ITGB2: variants seen among roughly 807,000 people sequenced by gnomAD.
ITGB2 encodes the protein integrin subunit beta 2, also known as integrin beta-2.
ITGB2 carries 56 observed loss-of-function variants against 86.8 expected under a neutral mutation model. That is an observed-to-expected ratio of 0.65 (90% confidence interval 0.52 to 0.81). ITGB2 has a LOEUF of 0.81. Among genes scored for constraint, ITGB2 ranks in the 30% least tolerant of loss-of-function variants. The probability of loss-of-function intolerance (pLI) is 0.00; values close to 1 mark genes in which losing one functional copy is unlikely to be tolerated. For synonymous variants in ITGB2, 457 were observed against 450.4 expected, an observed-to-expected ratio of 1.01 and a Z score of -0.19; for missense variants, 948 against 1,061.2, an observed-to-expected ratio of 0.89 and a Z score of 1.48.
chr21:44,897,371 C>T (rs923955670), intron 8 of ITGB2, among the ~76,000 whole-genome samples: 1 of 152,204 alleles, frequency 6.6e-6, no homozygotes. Context: ...TGTGAGGCTG[C>T]CCAGCTGGGC....
At chr21:44,889,111 A>G (rs2146497157) in intron 13 of ITGB2, 165 bp downstream of exon 13, 1 of 707,692 alleles carries the variant, frequency 1.4e-6, no homozygotes, top group Non-Finnish European at 2.4e-6. Context: ...GGGAGGAGGG[A>G]CACAGGGGCA....
rs146745379 is a variant in ITGB2, at chr21:44,901,576, G to T, written c.657C>A (p.Thr219=). 1 of 1,614,260 alleles carries T rather than the reference G, an allele frequency of 6.2e-7. No homozygotes were observed. Residue 219 remains threonine, a synonymous_variant, in exon 6 of 16, where the codon ACC becomes ACA. Transcript: ENST00000652462. The part of the protein sequence containing the change: ...KLTNNSNQFQ[T]EVGKQLISGN... Reference sequence around the variant, plus strand: ...CGGAAATCAGCTGCTTCCCGACCTCGGTCTGAAACTGGTTGGAGTTGTTGG... The same window carrying T: ...CGGAAATCAGCTGCTTCCCGACCTCTGTCTGAAACTGGTTGGAGTTGTTGG...
intron 5 of ITGB2, 160 bp from the exon 6 acceptor site, chr21:44,901,893 G>T: frequency 1.3e-6 from 1 of 780,268 alleles, no homozygotes; most frequent in Non-Finnish European, 2.0e-6. Context: ...CATGTGCGTT[G>T]TGCAAGCACA....
intron 5 of ITGB2, among the ~76,000 whole-genome samples, chr21:44,902,181 T>C (rs1049698389): frequency 7.2e-5 from 11 of 152,206 alleles, no homozygotes; most frequent in African/African-American, 2.7e-4. Context: ...ACCAGGTACA[T>C]ATGTGGGCAT....
At chr21:44,886,498 G>A in intron 15 of ITGB2, 68 bp from the exon 16 acceptor site, 1 of 1,538,000 alleles carries the variant, frequency 6.5e-7, no homozygotes, top group South Asian at 1.1e-5. Flanking sequence ...TTCTCCCTGA[G>A]GACACTCCCC....
intron 1 of ITGB2, among the ~76,000 whole-genome samples, chr21:44,927,447 C>T (rs4818987): frequency 0.46 from 69,779 of 151,664 alleles, 16,222 homozygotes; most frequent in Middle Eastern, 0.57. Context: ...GGAGAGCACC[C>T]CCACGAGGAC....
rs1328292969 is a variant in ITGB2 at position 44,926,057 on chromosome 21, A to C, written c.-4+2597T>G. On this transcript the variant is annotated intron_variant, in intron 1 of 15. Transcript: ENST00000355153. ...GAGGCGGAGCTTGCAGTGAGCCAAGATCGTGCCACTGCACTCCAGCCTGGA... is the reference window on the plus strand; with the variant it reads ...GAGGCGGAGCTTGCAGTGAGCCAAGCTCGTGCCACTGCACTCCAGCCTGGA... Among the ~76,000 whole-genome samples, 6 of 152,248 alleles carry C rather than the reference A, an allele frequency of 3.9e-5. No individual in the cohort carries two copies. In the East Asian group the frequency reaches 1.2e-3, roughly 29 times the overall value.
At chr21:44,925,678 T>G (rs967399275), upstream of ITGB2, among the ~76,000 whole-genome samples, 2 of 152,004 alleles carry the variant, frequency 1.3e-5, no homozygotes, top group African/African-American at 4.8e-5. Context: ...CCAAAAGTAC[T>G]CAAACAGCAA....
chr21:44,899,842 C>G (rs8132181), intron 7 of ITGB2, among the ~76,000 whole-genome samples: 3 of 152,174 alleles, frequency 2.0e-5, no homozygotes, highest in Admixed American at 2.0e-4. Flanking sequence ...TCCCCGCAGC[C>G]GCTCACCCAG....
chr21:44,893,962 A>C (rs2083826784), intron 9 of ITGB2: 1 of 318,822 alleles, frequency 3.1e-6, no homozygotes, highest in Non-Finnish European at 6.3e-6. Context: ...AGAGAGAGGC[A>C]GAGACAGAGA....
intron 8 of ITGB2, among the ~76,000 whole-genome samples, chr21:44,895,494 C>T (rs1223313619): frequency 6.6e-6 from 1 of 152,126 alleles, no homozygotes; most frequent in Admixed American, 6.5e-5. Context: ...CGCACCACTG[C>T]ACTCCAGCCT....
rs141780263 is a variant in ITGB2, at chr21:44,910,381, C to G, written c.59-9G>C. On this transcript the variant is annotated splice_polypyrimidine_tract_variant and intron_variant, in intron 2 of 15. Coordinates refer to ENST00000652462, the MANE Select transcript of ITGB2 (RefSeq NM_000211.5). ...GCACTCCTGAGAGAGGACTGAGGGACGAGGCCGGCTGGTGAGTGGGTGCTC... is the reference window on the plus strand; with the variant it reads ...GCACTCCTGAGAGAGGACTGAGGGAGGAGGCCGGCTGGTGAGTGGGTGCTC... The G allele has an allele frequency of 6.2e-7, 1 of 1,614,126 alleles. No homozygotes were observed. The highest frequency in any genetic ancestry group is 8.5e-7 in the Non-Finnish European group (1 of 1,180,018).
At chr21:44,928,045 C>T (rs898776609) in intron 1 of ITGB2, 1 of 151,506 alleles carries the variant, frequency 6.6e-6, no homozygotes, top group Non-Finnish European at 1.5e-5. Context: ...GACGCAGCTT[C>T]CCACACTGGG....
chr21:44,893,345 C>G, intron 10 of ITGB2, 59 bp downstream of exon 10: 3 of 1,602,788 alleles, frequency 1.9e-6, no homozygotes, highest in Non-Finnish European at 2.6e-6. Context: ...CTGGCTCCTT[C>G]TGGCTGTCCC....
intron 1 of ITGB2, chr21:44,911,024 G>T (rs2084123667): frequency 5.2e-6 from 3 of 576,916 alleles, no homozygotes; most frequent in Non-Finnish European, 9.3e-6. Context: ...ACCCAGGACA[G>T]CTGCAGCGGG....
chr21:44,900,174 G>A (rs1232052793), intron 7 of ITGB2, 146 bp downstream of exon 7: 21 of 1,103,756 alleles, frequency 1.9e-5, no homozygotes, highest in Admixed American at 1.1e-4. Context: ...GAGACCCCAC[G>A]CTGCCACTTG....
At chr21:44,920,456 G>C (rs2084285951) in intron 1 of ITGB2, among the ~76,000 whole-genome samples, 1 of 152,158 alleles carries the variant, frequency 6.6e-6, no homozygotes, top group African/African-American at 2.4e-5. Context: ...TCACAGAGGA[G>C]GCCCCGGGAA....
chr21:44,922,848 A>G (rs1382767783), upstream of ITGB2: 1 of 152,192 alleles, frequency 6.6e-6, no homozygotes, highest in Non-Finnish European at 1.5e-5. Flanking sequence ...GTTGGGTTTT[A>G]GAAATAAAGA....
intron 14 of ITGB2, among the ~76,000 whole-genome samples, chr21:44,887,286 A>G (rs142964694): frequency 1.3e-5 from 2 of 152,288 alleles, no homozygotes; most frequent in Non-Finnish European, 2.9e-5. Context: ...TTCACTCCCC[A>G]TACTGTGAAA....
Sources: gnomAD v4.1 joint callset for allele counts (sites outside exome capture counted in the v4.1 genomes callset) on GRCh38, gnomAD v4.1.1 for gene constraint, MANE v1.5 for transcripts, NCBI Gene and HGNC (gene_info 2026-07-23, HGNC 2026-07-21) for gene names.